Variants in WWOX observed in about 807,000 individuals in gnomAD.
WWOX encodes the protein WW domain-containing oxidoreductase.
WWOX carries 69 observed loss-of-function variants against 46.2 expected under a neutral mutation model. That is an observed-to-expected ratio of 1.49 (90% CI 1.23 to 1.82). WWOX has a LOEUF of 1.82. WWOX is among the 40% of genes most tolerant of loss of function. The pLI, the probability that WWOX is intolerant of heterozygous loss-of-function variation, is 0.00. For synonymous variants in WWOX, 359 were observed against 202.6 expected, an observed-to-expected ratio of 1.77 and a Z score of -6.56; for missense variants, 919 against 542.6, an observed-to-expected ratio of 1.69 and a Z score of -6.89.
intron 4 of WWOX, among the ~76,000 whole-genome samples, chr16:78,130,816 T>G (rs534218056): frequency 1.3e-5 from 2 of 152,292 alleles, no homozygotes; most frequent in African/African-American, 4.8e-5. Flanking sequence ...CCTGCCCTTG[T>G]GGAGGATACA....
intron 8 of WWOX, among the ~76,000 whole-genome samples, chr16:78,497,659 G>C (rs1298020227): frequency 6.6e-6 from 1 of 152,172 alleles, no homozygotes; most frequent in African/African-American, 2.4e-5. Context: ...GCATTATTGT[G>C]TGTTGAATAA....
chr16:78,574,211 T>C (rs765116267), intron 8 of WWOX, among the ~76,000 whole-genome samples: 3 of 152,174 alleles, frequency 2.0e-5, no homozygotes, highest in Admixed American at 6.5e-5. Flanking sequence ...CTGGGGCAAG[T>C]TGGTCAACAA....
chr16:78,103,544 G>C (rs902039977), intron 1 of WWOX, among the ~76,000 whole-genome samples: 3 of 152,162 alleles, frequency 2.0e-5, no homozygotes, highest in East Asian at 1.9e-4. Context: ...TGTTAGCTTA[G>C]GATGCCTCTG....
chr16:78,203,388 A>C (rs1220050034), intron 5 of WWOX, among the ~76,000 whole-genome samples: 2 of 152,214 alleles, frequency 1.3e-5, no homozygotes, highest in Non-Finnish European at 2.9e-5. Context: ...TTCAAAAGGG[A>C]AATATGTTTC....
At chr16:78,120,351 A>G (rs536199509) in intron 4 of WWOX, among the ~76,000 whole-genome samples, 1 of 152,206 alleles carries the variant, frequency 6.6e-6, no homozygotes, top group East Asian at 1.9e-4. Context: ...CGGGTGGATC[A>G]TGAGGTCAGG....
At chr16:78,935,521 C>G (rs1055437571) in intron 8 of WWOX, among the ~76,000 whole-genome samples, 7 of 150,542 alleles carry the variant, frequency 4.6e-5, no homozygotes, top group African/African-American at 9.8e-5. Context: ...AAACCAAACA[C>G]TGCATGTTCT....
rs548692031 is a variant in WWOX, at chr16:79,030,638, C to T, written c.1057-180970C>T. On this transcript the variant is annotated intron_variant, in intron 8 of 8. Transcript: ENST00000566780. ...TTAGACACCCTTGTTTTCGTTCAAC[C>T]TTTGTTTGGCTTTGAAGCATCATGC... Among the ~76,000 whole-genome samples the T allele has an allele frequency of 2.6e-5, 4 of 152,334 alleles. No individual in the cohort carries two copies. The South Asian group carries it at 8.3e-4, about 32-fold the overall frequency.
At chr16:78,323,093 G>C (rs934560205) in intron 5 of WWOX, among the ~76,000 whole-genome samples, 2 of 152,026 alleles carry the variant, frequency 1.3e-5, no homozygotes, top group East Asian at 3.9e-4. Context: ...GCTATGATTT[G>C]GGGTTCTTGT....
intron 5 of WWOX, among the ~76,000 whole-genome samples, chr16:78,212,714 C>G (rs1450555626): frequency 6.6e-6 from 1 of 152,142 alleles, no homozygotes; most frequent in Non-Finnish European, 1.5e-5. Flanking sequence ...GGAGGCCTGC[C>G]TGGTCTGCCC....
chr16:79,089,037 C>T (rs2048904314), intron 8 of WWOX, among the ~76,000 whole-genome samples: 1 of 152,102 alleles, frequency 6.6e-6, no homozygotes, highest in Non-Finnish European at 1.5e-5. Flanking sequence ...TTCATTTTGC[C>T]TGAATTAGGG....
chr16:78,152,217 T>C (rs2034439775), intron 4 of WWOX, among the ~76,000 whole-genome samples: 1 of 151,920 alleles, frequency 6.6e-6, no homozygotes, highest in Admixed American at 6.6e-5. Flanking sequence ...AATTATAACA[T>C]GGAAATGTTT....
chr16:78,709,496 A>C (rs2048393543), intron 8 of WWOX, among the ~76,000 whole-genome samples: 1 of 152,174 alleles, frequency 6.6e-6, no homozygotes, highest in East Asian at 1.9e-4. Context: ...CATCTCTGAC[A>C]CAGGCCCTCT....
At chr16:78,334,860 T>C (rs1314232354) in intron 5 of WWOX, among the ~76,000 whole-genome samples, 1 of 109,270 alleles carries the variant, frequency 9.2e-6, no homozygotes, top group Non-Finnish European at 1.9e-5. Flanking sequence ...ACACACAAAA[T>C]CACCAAATCA....
At chr16:78,623,959 G>C (rs1202985311) in intron 8 of WWOX, among the ~76,000 whole-genome samples, 1 of 152,114 alleles carries the variant, frequency 6.6e-6, no homozygotes, top group Non-Finnish European at 1.5e-5. Context: ...GGTCAAGTTG[G>C]GACTTACTGA....
intron 8 of WWOX, among the ~76,000 whole-genome samples, chr16:79,027,897 G>T (rs1186632601): frequency 6.6e-6 from 1 of 151,892 alleles, no homozygotes. Context: ...TAATGTCTCA[G>T]TGTTTGAGTA....
At chr16:78,260,145 C>T (rs1384489191) in intron 5 of WWOX, among the ~76,000 whole-genome samples, 1 of 151,386 alleles carries the variant, frequency 6.6e-6, no homozygotes, top group Non-Finnish European at 1.5e-5. Context: ...GCCATCCTTG[C>T]TGTGCTGCAG....
At chr16:78,316,456 C>T (rs1218004755) in intron 5 of WWOX, among the ~76,000 whole-genome samples, 2 of 152,096 alleles carry the variant, frequency 1.3e-5, no homozygotes, top group African/African-American at 4.8e-5. Flanking sequence ...GATTCTCCTG[C>T]CTCAGGCTCC....
chr16:78,416,111 G>GA (rs1056709164), intron 6 of WWOX, among the ~76,000 whole-genome samples: 16 of 151,922 alleles, frequency 1.1e-4, no homozygotes, highest in East Asian at 3.9e-4. Flanking sequence ...CCAAGAAGAA[G>GA]AAAAAAAATC....
At chr16:78,675,560 G>T (rs1234327235) in intron 8 of WWOX, among the ~76,000 whole-genome samples, 1 of 152,138 alleles carries the variant, frequency 6.6e-6, no homozygotes, top group African/African-American at 2.4e-5. Context: ...AAGCACGGGG[G>T]TTTATGTGAT....
Sources: gnomAD v4.1 joint callset for allele counts (sites outside exome capture counted in the v4.1 genomes callset) on GRCh38, gnomAD v4.1.1 for gene constraint, MANE v1.5 for transcripts, NCBI Gene and HGNC (gene_info 2026-07-23, HGNC 2026-07-21) for gene names.